VAC14: variants seen among roughly 807,000 people sequenced by gnomAD.
VAC14 encodes the protein protein VAC14 homolog.
Under a neutral mutation model 85.3 loss-of-function variants are expected in VAC14, and 47 were observed. That is an observed-to-expected ratio of 0.55 (90% CI 0.44 to 0.70). The LOEUF (loss-of-function observed/expected upper bound fraction) is 0.70, where lower values mean the gene tolerates loss of function less well. Among genes scored for constraint, VAC14 ranks in the 30% least tolerant of loss-of-function variants. The pLI, the probability that VAC14 is intolerant of heterozygous loss-of-function variation, is 0.00. For synonymous variants in VAC14, 447 were observed against 430.5 expected (o/e 1.04, Z -0.47); for missense variants, 861 against 1,004.3 (o/e 0.86, Z 1.93).
At chr16:70,789,187 G>C (rs955529658) in intron 1 of VAC14, among the ~76,000 whole-genome samples, 2 of 152,224 alleles carry the variant, frequency 1.3e-5, no homozygotes, top group East Asian at 3.8e-4. Flanking sequence ...TTTAACACAA[G>C]ACTAAACACA....
intron 9 of VAC14, 83 bp downstream of exon 9, chr16:70,780,707 G>T: frequency 6.7e-7 from 1 of 1,492,498 alleles, no homozygotes; most frequent in Non-Finnish European, 8.9e-7. Context: ...GGTTGCTTAA[G>T]TGAGGCCCCA....
At chr16:70,752,264 C>T (rs74024449) in intron 12 of VAC14, among the ~76,000 whole-genome samples, 36,393 of 152,200 alleles carry the variant, frequency 0.24, 6,347 homozygotes, top group African/African-American at 0.5. Flanking sequence ...GTGACAGCAC[C>T]ATTAGTGCCA....
In VAC14 at chr16:70,781,881, C is replaced by T; in HGVS notation, c.934G>A (p.Asp312Asn). Residue 312 changes from aspartate to asparagine, a missense_variant, in exon 8 of 19, where the codon GAC (aspartate) becomes AAC (asparagine). Coordinates refer to ENST00000261776, the MANE Select transcript of VAC14 (RefSeq NM_018052.5). ...AAGCAAAGGATACTTTTCTTGCGGT[C>T]ATCGTAGGCCAAGCAGGGCAAGACA... is the stretch of plus-strand genomic sequence containing the variant. ...TAVLPCLAYD[D>N]RKKSIKEVAN... is the part of the protein sequence containing the mutation. 1 of 1,613,998 alleles carries T rather than the reference C, an allele frequency of 6.2e-7. No individual in the cohort carries two copies. Among genetic ancestry groups the T allele is most frequent in the East Asian group, 2.2e-5 (1 of 44,882 alleles).
intron 13 of VAC14, among the ~76,000 whole-genome samples, chr16:70,742,277 G>A (rs1555519986): frequency 6.6e-6 from 1 of 152,198 alleles, no homozygotes; most frequent in Non-Finnish European, 1.5e-5. Flanking sequence ...CTCCCTGCAG[G>A]ATGCCTCCTC....
chr16:70,700,087 A>G (rs1275695945), intron 14 of VAC14: 1 of 152,120 alleles, frequency 6.6e-6, no homozygotes, highest in Non-Finnish European at 1.5e-5. Context: ...TCCGCTCCGC[A>G]TGACCTGGGC....
At chr16:70,753,019 T>A (rs1223896959) in intron 12 of VAC14, among the ~76,000 whole-genome samples, 1 of 151,316 alleles carries the variant, frequency 6.6e-6, no homozygotes, top group South Asian at 2.1e-4. Flanking sequence ...GGGGTGTGTG[T>A]GTGTGTGTGT....
At chr16:70,784,308 C>A in intron 4 of VAC14, 88 bp from the exon 5 acceptor site, 1 of 1,082,332 alleles carries the variant, frequency 9.2e-7, no homozygotes, top group Non-Finnish European at 1.4e-6. Context: ...CTGGCTCCAG[C>A]GCTCAGGCGG....
At chr16:70,788,619 C>T (rs1287032200) in intron 1 of VAC14, among the ~76,000 whole-genome samples, 1 of 152,264 alleles carries the variant, frequency 6.6e-6, no homozygotes. Context: ...ACCCAATCAT[C>T]TGGCAGAGTG....
chr16:70,711,204 T>C (rs1252999937), intron 14 of VAC14, among the ~76,000 whole-genome samples: 1 of 152,086 alleles, frequency 6.6e-6, no homozygotes, highest in African/African-American at 2.4e-5. Flanking sequence ...CTCCAGGAGG[T>C]CCACGATCTG....
At chr16:70,732,630 C>T (rs1567548214) in intron 13 of VAC14, among the ~76,000 whole-genome samples, 1 of 151,886 alleles carries the variant, frequency 6.6e-6, no homozygotes, top group Non-Finnish European at 1.5e-5. Flanking sequence ...ACTCACTGTG[C>T]CTGAGGCAGG....
At chr16:70,736,384 G>C (rs544311771) in intron 13 of VAC14, among the ~76,000 whole-genome samples, 1 of 152,158 alleles carries the variant, frequency 6.6e-6, no homozygotes, top group African/African-American at 2.4e-5. Flanking sequence ...ATGTCTGGGG[G>C]CTGGTCTGAA....
chr16:70,717,345 G>C (rs2054188796), intron 14 of VAC14, among the ~76,000 whole-genome samples: 1 of 152,220 alleles, frequency 6.6e-6, no homozygotes, highest in Non-Finnish European at 1.5e-5. Context: ...CTGTGGCGGG[G>C]GAGAGGAGGA....
intron 17 of VAC14, among the ~76,000 whole-genome samples, chr16:70,694,575 G>C (rs2053667331): frequency 6.6e-6 from 1 of 152,202 alleles, no homozygotes; most frequent in South Asian, 2.1e-4. Context: ...CAGGCTGATG[G>C]GCTTAGGCCG....
At chr16:70,786,011 C>A in intron 2 of VAC14, 142 bp from the exon 3 acceptor site, 1 of 1,330,714 alleles carries the variant, frequency 7.5e-7, no homozygotes. Context: ...CCTTCCCAAG[C>A]CTCATTCCCA....
chr16:70,780,729 A>G (rs756761065), intron 9 of VAC14, 61 bp downstream of exon 9: 76 of 1,518,832 alleles, frequency 5.0e-5, no homozygotes, highest in Non-Finnish European at 6.3e-5. Context: ...GGCAACTCCT[A>G]TGACATCTGG....
At chr16:70,713,190 A>G (rs1042217853) in intron 14 of VAC14, among the ~76,000 whole-genome samples, 1 of 152,350 alleles carries the variant, frequency 6.6e-6, no homozygotes, top group Middle Eastern at 3.4e-3. Context: ...AGGAGTGCCT[A>G]CTACAGGGGG....
intron 14 of VAC14, among the ~76,000 whole-genome samples, chr16:70,719,529 T>A (rs544192364): frequency 6.6e-6 from 1 of 151,930 alleles, no homozygotes; most frequent in East Asian, 1.9e-4. Context: ...CACAAATCAA[T>A]AAGAAAAACA....
chr16:70,721,570 T>C (rs2054293305), intron 14 of VAC14, among the ~76,000 whole-genome samples: 2 of 151,962 alleles, frequency 1.3e-5, no homozygotes, highest in African/African-American at 4.8e-5. Flanking sequence ...GGCGACCCCA[T>C]GGGAGGGCCC....
intron 14 of VAC14, among the ~76,000 whole-genome samples, chr16:70,722,095 C>T (rs1387944285): frequency 1.3e-5 from 2 of 152,294 alleles, no homozygotes; most frequent in East Asian, 1.9e-4. Context: ...GGAACAATGA[C>T]GAGGACAACG....
Sources: gnomAD v4.1 joint callset for allele counts (sites outside exome capture counted in the v4.1 genomes callset) on GRCh38, gnomAD v4.1.1 for gene constraint, MANE v1.5 for transcripts, NCBI Gene and HGNC (gene_info 2026-07-23, HGNC 2026-07-21) for gene names.